The following WWTR1 variants were observed in gnomAD, a reference collection of about 807,000 sequenced individuals.
WWTR1 encodes WW domain containing transcription regulator 1, also known as WW domain-containing transcription regulator protein 1.
Under a neutral mutation model 40.1 loss-of-function variants are expected in WWTR1, and 13 were observed. The observed-to-expected ratio is 0.32, with a 90% CI of 0.21 to 0.52. The LOEUF (loss-of-function observed/expected upper bound fraction) is 0.52. Ranked by LOEUF, WWTR1 falls within the 20% of genes least tolerant of loss-of-function variation. The pLI, the probability that WWTR1 is intolerant of heterozygous loss-of-function variation, is 0.97. For synonymous variants in WWTR1, 230 were observed against 210.1 expected (o/e 1.09, Z -0.82); for missense variants, 436 against 523.1 (o/e 0.83, Z 1.63).
chr3:149,533,572 A>G (rs10513355), intron 4 of WWTR1, among the ~76,000 whole-genome samples: 9,924 of 152,302 alleles, frequency 0.065, 439 homozygotes, highest in East Asian at 0.19. Flanking sequence ...GCTATTAGCC[A>G]CCGGATTTCT....
At chr3:149,523,251 CT>C (rs151209565) in intron 6 of WWTR1, among the ~76,000 whole-genome samples, 29,877 of 143,680 alleles carry the variant, frequency 0.21, 3,931 homozygotes, top group African/African-American at 0.39. Flanking sequence ...CAAGGCAATT[CT>C]TTTTTTTTTT....
At chr3:149,718,724 A>AC (rs1216129612) in intron 4 of WWTR1, among the ~76,000 whole-genome samples, 4 of 152,196 alleles carry the variant, frequency 2.6e-5, no homozygotes, top group African/African-American at 4.8e-5. Flanking sequence ...AAGTGGGATC[A>AC]TATAGTATTT....
At chr3:149,619,017 C>T (rs141675459) in intron 2 of WWTR1, among the ~76,000 whole-genome samples, 2 of 152,308 alleles carry the variant, frequency 1.3e-5, no homozygotes, top group East Asian at 3.9e-4. Context: ...GATAAACGTG[C>T]CATTCTGTCA....
At chr3:149,598,430 A>G (rs1739100606) in intron 2 of WWTR1, among the ~76,000 whole-genome samples, 1 of 152,264 alleles carries the variant, frequency 6.6e-6, no homozygotes, top group Non-Finnish European at 1.5e-5. Flanking sequence ...GCCTGAAGCT[A>G]CATAGCTCAT....
intron 2 of WWTR1, among the ~76,000 whole-genome samples, chr3:149,651,992 ATTTTTTTTTTTT>A (rs368845286): frequency 3.2e-5 from 3 of 93,714 alleles, no homozygotes; most frequent in African/African-American, 1.2e-4. Context: ...CGCCCGGCTA[ATTTTTTTTTTTT>A]TTTTTTTTTT....
intron 1 of WWTR1, among the ~76,000 whole-genome samples, chr3:149,693,182 C>A (rs1358372053): frequency 6.6e-6 from 1 of 152,092 alleles, no homozygotes; most frequent in African/African-American, 2.4e-5. Context: ...TTTCTATATG[C>A]CAACAGCAAA....
upstream of WWTR1, chr3:149,658,046 A>C (rs1410232092): frequency 1.3e-5 from 2 of 152,778 alleles, no homozygotes; most frequent in Non-Finnish European, 2.9e-5. Flanking sequence ...CAAAGTTTGG[A>C]GCAAACTCCC....
chr3:149,589,773 T>C (rs1294485729), intron 2 of WWTR1, among the ~76,000 whole-genome samples: 2 of 144,472 alleles, frequency 1.4e-5, no homozygotes, highest in East Asian at 2.1e-4. Context: ...AAACTACTCA[T>C]AGAATAAGTG....
chr3:149,526,210 T>C (rs141252450), intron 5 of WWTR1, 85 bp from the exon 6 acceptor site: 6 of 1,015,934 alleles, frequency 5.9e-6, no homozygotes, highest in Admixed American at 2.8e-5. Flanking sequence ...AGCTCTAAAC[T>C]AGTGCAGTTG....
At chr3:149,604,048 A>G (rs1055747803) in intron 2 of WWTR1, among the ~76,000 whole-genome samples, 2 of 152,190 alleles carry the variant, frequency 1.3e-5, no homozygotes, top group Admixed American at 1.3e-4. Flanking sequence ...AACTCCATAA[A>G]TAGTAGTAAT....
intron 2 of WWTR1, among the ~76,000 whole-genome samples, chr3:149,605,897 T>G (rs1739458280): frequency 6.6e-6 from 1 of 152,102 alleles, no homozygotes; most frequent in Non-Finnish European, 1.5e-5. Context: ...CTGTCACAGG[T>G]GGCATACTGC....
At position 149,550,967 on chromosome 3, in the gene WWTR1, A is replaced by G. The variant is rs115365870; in HGVS notation, c.569-8430T>C. Among the ~76,000 whole-genome samples, 4 of 144,194 alleles carry G rather than the reference A, an allele frequency of 2.8e-5. 1 individual carries two copies. Among genetic ancestry groups the G allele is most frequent in the Non-Finnish European group, 4.5e-5 (3 of 66,036 alleles). 94.6% of individuals were successfully genotyped at this position (144,194 alleles called of 152,430 possible). A position where few individuals can be genotyped will look rare whatever the true frequency, so the allele number is the denominator to read the frequency against. ...TTGCTTCTATAATAAAACCACATCA[A>G]CTATTCCAAATAACACTTCTAACAT... is the stretch of plus-strand genomic sequence containing the variant. On this transcript the variant is annotated intron_variant, in intron 3 of 6. Coordinates refer to ENST00000360632, the MANE Select transcript of WWTR1 (RefSeq NM_015472.6).
intron 3 of WWTR1, among the ~76,000 whole-genome samples, chr3:149,566,823 A>G (rs536767760): frequency 6.6e-6 from 1 of 151,992 alleles, no homozygotes; most frequent in African/African-American, 2.4e-5. Flanking sequence ...AAAAAAAAAA[A>G]AAAACACACA....
chr3:149,658,854 G>A (rs1006095688), upstream of WWTR1: 1 of 152,428 alleles, frequency 6.6e-6, no homozygotes. Flanking sequence ...CAACATCCGT[G>A]AGGGTTGTGG....
At chr3:149,583,308 G>A (rs2864418) in intron 2 of WWTR1, among the ~76,000 whole-genome samples, 58,925 of 152,064 alleles carry the variant, frequency 0.39, 11,916 homozygotes, top group African/African-American at 0.49. Flanking sequence ...GAAGTGGAAT[G>A]TATTCATCCA....
At chr3:149,610,013 T>G (rs753223331) in intron 2 of WWTR1, among the ~76,000 whole-genome samples, 2 of 152,180 alleles carry the variant, frequency 1.3e-5, no homozygotes, top group Non-Finnish European at 2.9e-5. Context: ...ACTTTTACAA[T>G]GAAGGGCTCA....
At position 149,550,773 on chromosome 3, in the gene WWTR1, ATCT is replaced by A. The variant is rs1736584549; in HGVS notation, c.569-8239_569-8237del. Among the ~76,000 whole-genome samples, 9 of 146,990 alleles carry A rather than the reference ATCT, an allele frequency of 6.1e-5. 1 individual carries two copies. The highest frequency in any genetic ancestry group is 1.1e-4 in the Non-Finnish European group (7 of 66,606). ...AAGGGTTATAAAAGACTGCTTGAAT[ATCT>A]GCTGACATTTTCCATAAGCACGTGA... On this transcript the variant is annotated intron_variant, in intron 3 of 6. Transcript: ENST00000360632.
At chr3:149,546,791 G>A (rs779918535) in intron 3 of WWTR1, among the ~76,000 whole-genome samples, 1 of 152,200 alleles carries the variant, frequency 6.6e-6, no homozygotes, top group Non-Finnish European at 1.5e-5. Flanking sequence ...AACAAATACA[G>A]CTTAGGATAT....
At chr3:149,599,196 A>G (rs570275200) in intron 2 of WWTR1, among the ~76,000 whole-genome samples, 2 of 152,358 alleles carry the variant, frequency 1.3e-5, no homozygotes, top group South Asian at 4.1e-4. Flanking sequence ...GATTTGATTC[A>G]TGAAGGTTAA....
Sources: gnomAD v4.1 joint callset for allele counts (sites outside exome capture counted in the v4.1 genomes callset) on GRCh38, gnomAD v4.1.1 for gene constraint, MANE v1.5 for transcripts, NCBI Gene and HGNC (gene_info 2026-07-23, HGNC 2026-07-21) for gene names.